Variants in ASB18 observed in about 807,000 individuals in gnomAD.
ASB18 encodes the protein ankyrin repeat and SOCS box containing 18.
A neutral mutation model predicts 33.4 loss-of-function variants in ASB18; 33 were observed. The ratio of observed to expected loss-of-function variants is 0.99; its 90% confidence interval spans 0.75 to 1.32. ASB18 has a LOEUF of 1.32. Ranked by LOEUF, ASB18 falls within the 40% of genes most tolerant of loss-of-function variation. ASB18 has a pLI of 0.00. For missense variants in ASB18, 694 were observed against 655.5 expected, an observed-to-expected ratio of 1.06 and a Z score of -0.64; for synonymous variants, 295 against 307.6, an observed-to-expected ratio of 0.96 and a Z score of 0.43.
chr2:236,204,623 G>A lies in ASB18; in HGVS notation c.1102-8238C>T, dbSNP rs1416115373. ...GCTTACATTGTAGCTACACCTGGCT[G>A]TATCCCACACTCAACATACCAAAAA... On this transcript the variant is annotated intron_variant, in intron 4 of 5. Transcript: ENST00000409749. This position sits in a 1 kb window ranked among gnomAD's most constrained non-coding sequence, Gnocchi z 5.1. 6.6e-6 allele frequency among the ~76,000 whole-genome samples: 1 copy of A among 152,208 alleles called. No individual in the cohort carries two copies. Among genetic ancestry groups the A allele is most frequent in the Non-Finnish European group, 1.5e-5 (1 of 68,036 alleles).
intron 4 of ASB18, among the ~76,000 whole-genome samples, chr2:236,201,834 C>A (rs535366552): frequency 6.6e-6 from 1 of 152,078 alleles, no homozygotes; most frequent in Non-Finnish European, 1.5e-5. Context: ...TGGGTTATAT[C>A]CTTGGTCAAT....
At chr2:236,236,814 C>A (rs1326171037) in intron 3 of ASB18, among the ~76,000 whole-genome samples, 2 of 152,218 alleles carry the variant, frequency 1.3e-5, no homozygotes, top group African/African-American at 2.4e-5. Context: ...CAGCACTAAA[C>A]GTGGGCGACT....
chr2:236,241,455 A>G lies in ASB18; in HGVS notation c.206-53T>C. The G allele has an allele frequency of 1.2e-6, 2 of 1,610,284 alleles. No homozygotes were observed. The highest frequency in any genetic ancestry group is 1.3e-5 in the African/African-American group (1 of 74,992). ...GCACCGGGGACCCTGCTCTAGCTTG[A>G]GGATCCTTCTCTGTCTTTTGAAATA... On this transcript the variant is annotated intron_variant, in intron 1 of 5. Coordinates refer to ENST00000409749, the MANE Select transcript of ASB18 (RefSeq NM_212556.4). The surrounding 1 kb of genome is among the most constrained non-coding windows in gnomAD (Gnocchi z 4.2).
At chr2:236,230,557 G>A (rs2060559493) in intron 3 of ASB18, among the ~76,000 whole-genome samples, 1 of 151,814 alleles carries the variant, frequency 6.6e-6, no homozygotes, top group Non-Finnish European at 1.5e-5. Context: ...GAAGTAAAAT[G>A]TATATTACCA....
chr2:236,201,689 T>C (rs72974795), intron 4 of ASB18, among the ~76,000 whole-genome samples: 13,706 of 85,770 alleles, frequency 0.16, 808 homozygotes, highest in Middle Eastern at 0.28. Context: ...TGCACTTCAT[T>C]TTTTTTTTTT....
At chr2:236,197,144 T>C (rs2060378321) in intron 4 of ASB18, among the ~76,000 whole-genome samples, 1 of 151,106 alleles carries the variant, frequency 6.6e-6, no homozygotes. Context: ...CCATGTATCC[T>C]ATAATTTTAT....
intron 1 of ASB18, among the ~76,000 whole-genome samples, chr2:236,242,235 C>G (rs988478922): frequency 1.3e-5 from 2 of 152,202 alleles, no homozygotes; most frequent in African/African-American, 4.8e-5. Context: ...CCCCACGCCA[C>G]TCTGCTGGCT....
Position 236,253,016 on chromosome 2 carries a change from C to T in ASB18, c.205+11125G>A, listed in dbSNP as rs192280971. Among the ~76,000 whole-genome samples, 178 of 152,320 alleles carry T rather than the reference C, an allele frequency of 1.2e-3. No individual in the cohort carries two copies. The highest frequency in any genetic ancestry group is 3.3e-3 in the Admixed American group (50 of 15,304). ...ACAGGTCATCTCTGTTCCAGAGCTG[C>T]CCCTGGGGTCAGCCAAGGCATGGTT... On this transcript the variant is annotated intron_variant, in intron 1 of 5. Transcript: ENST00000409749. The surrounding 1 kb of genome is among the most constrained non-coding windows in gnomAD (Gnocchi z 5.4).
Position 236,223,206 on chromosome 2 carries a change from TC to T in ASB18, c.597-8341del, listed in dbSNP as rs1189239607. Among the ~76,000 whole-genome samples the T allele has an allele frequency of 6.6e-6, 1 of 152,174 alleles. No individual in the cohort carries two copies. Among genetic ancestry groups the T allele is most frequent in the Non-Finnish European group, 1.5e-5 (1 of 68,038 alleles). ...AATTAAGCTTTTTTTCTTATAACTT[TC>T]ACAGTGTCAAGTATTTCTTTATAGC... is the stretch of plus-strand genomic sequence containing the variant. On this transcript the variant is annotated intron_variant, in intron 3 of 5. Transcript: ENST00000409749. The surrounding 1 kb of genome is among the most constrained non-coding windows in gnomAD (Gnocchi z 4.6).
chr2:236,217,424 A>AATAAATAAAT lies in ASB18; in HGVS notation c.597-2559_597-2558insATTTATTTAT, dbSNP rs1553600512. 2.1e-4 allele frequency among the ~76,000 whole-genome samples: 32 copies of AATAAATAAAT among 150,304 alleles called. No homozygotes were observed. The highest frequency in any genetic ancestry group is 7.4e-4 in the African/African-American group (30 of 40,402). ...CGAGACTCTGTCTCAAAAAAAAAAA[A>AATAAATAAAT]AAATAAATCTTGGCACCTTCAACTC... On this transcript the variant is annotated intron_variant, in intron 3 of 5. Coordinates refer to ENST00000409749, the MANE Select transcript of ASB18 (RefSeq NM_212556.4). The surrounding 1 kb of genome is among the most constrained non-coding windows in gnomAD (Gnocchi z 5.2).
chr2:236,253,276 G>A lies in ASB18; in HGVS notation c.205+10865C>T, dbSNP rs2060675951. Among the ~76,000 whole-genome samples the A allele has an allele frequency of 6.6e-6, 1 of 152,190 alleles. No homozygotes were observed. Among genetic ancestry groups the A allele is most frequent in the Non-Finnish European group, 1.5e-5 (1 of 68,034 alleles). On this transcript the variant is annotated intron_variant, in intron 1 of 5. Coordinates refer to ENST00000409749, the MANE Select transcript of ASB18 (RefSeq NM_212556.4). The surrounding 1 kb of genome is among the most constrained non-coding windows in gnomAD (Gnocchi z 5.4). ...TGAGGTGTTGTGGAGATGTGGCTTG[G>A]ACCAGAGTTTCTCAAGCACCCGAGG...
intron 4 of ASB18, chr2:236,210,535 T>C (rs60159414): frequency 0.17 from 26,215 of 152,184 alleles, 2,280 homozygotes; most frequent in South Asian, 0.25. Context: ...GCATCTCCTC[T>C]GCCAGGTGAG....
chr2:236,208,036 T>C lies in ASB18; in HGVS notation c.1101+6326A>G, dbSNP rs1326090171. Among the ~76,000 whole-genome samples the C allele has an allele frequency of 1.3e-5, 2 of 152,090 alleles. No homozygotes were observed. The highest frequency in any genetic ancestry group is 6.5e-5 in the Admixed American group (1 of 15,276). On this transcript the variant is annotated intron_variant, in intron 4 of 5. Transcript: ENST00000409749. The surrounding 1 kb of genome is among the most constrained non-coding windows in gnomAD (Gnocchi z 7.7). ...AGGACAGGAGCTGTTCTTTCTAGAC[T>C]GGGCATCATATCGACATCATAAGAG...
rs139617172 is a variant in ASB18, at chr2:236,240,445, G to A, written c.328+835C>T. 2.6e-4 allele frequency among the ~76,000 whole-genome samples: 39 copies of A among 152,362 alleles called. 2 individuals carry two copies. In the East Asian group the frequency reaches 3.3e-3, roughly 13 times the overall value. On this transcript the variant is annotated intron_variant, in intron 2 of 5. Coordinates refer to ENST00000409749, the MANE Select transcript of ASB18 (RefSeq NM_212556.4). ...GAGTCAGGGACATGGGACACTGGCC[G>A]CCGGCCACTGACCTCAGATTCTCAA...
Position 236,225,320 on chromosome 2 carries a change from C to G in ASB18, c.597-10454G>C, listed in dbSNP as rs1384573143. On this transcript the variant is annotated intron_variant, in intron 3 of 5. Transcript: ENST00000409749. This position sits in a 1 kb window ranked among gnomAD's most constrained non-coding sequence, Gnocchi z 5.1. ...CAGAGATGGGGTCTCACTATGTTGC[C>G]CAGGCTGGTCTCAAACTCCTGGGCT... Among the ~76,000 whole-genome samples the G allele has an allele frequency of 2.0e-5, 3 of 151,892 alleles. No homozygotes were observed. Among genetic ancestry groups the G allele is most frequent in the Admixed American group, 2.0e-4 (3 of 15,252 alleles).
Position 236,255,735 on chromosome 2 carries a change from C to T in ASB18, c.205+8406G>A, listed in dbSNP as rs1318498792. 6.6e-6 allele frequency among the ~76,000 whole-genome samples: 1 copy of T among 152,188 alleles called. No homozygotes were observed. The highest frequency in any genetic ancestry group is 1.5e-5 in the Non-Finnish European group (1 of 68,042). ...TTCCAAGTAAGTGTAAACACCTGTG[C>T]CTAGAATGTGTAGCCTCAAACAATA... On this transcript the variant is annotated intron_variant, in intron 1 of 5. Coordinates refer to ENST00000409749, the MANE Select transcript of ASB18 (RefSeq NM_212556.4). The surrounding 1 kb of genome is among the most constrained non-coding windows in gnomAD (Gnocchi z 4.4).
chr2:236,263,953 C>A lies in ASB18; in HGVS notation c.205+188G>T, dbSNP rs924798995. ...TTTTTGTGTTGTGTTGCACTTGTTG[C>A]TTATGTCGCACACGCATGTACATGG... On this transcript the variant is annotated intron_variant, in intron 1 of 5. Transcript: ENST00000409749. This position sits in a 1 kb window ranked among gnomAD's most constrained non-coding sequence, Gnocchi z 4.0. Among the ~76,000 whole-genome samples the A allele has an allele frequency of 3.3e-5, 5 of 152,288 alleles. No individual in the cohort carries two copies. Among genetic ancestry groups the A allele is most frequent in the Non-Finnish European group, 7.4e-5 (5 of 68,020 alleles).
Position 236,196,821 on chromosome 2 carries a change from A to T in ASB18, c.1102-436T>A, listed in dbSNP as rs905345024. ...TTTCAGATGTGTCAGGAAATTGAGA[A>T]TTGGGGAAGAGGAATTGTTTTGCTG... On this transcript the variant is annotated intron_variant, in intron 4 of 5. Coordinates refer to ENST00000409749, the MANE Select transcript of ASB18 (RefSeq NM_212556.4). The surrounding 1 kb of genome is among the most constrained non-coding windows in gnomAD (Gnocchi z 5.6). 6.6e-6 allele frequency among the ~76,000 whole-genome samples: 1 copy of T among 152,180 alleles called. No homozygotes were observed. Among genetic ancestry groups the T allele is most frequent in the Non-Finnish European group, 1.5e-5 (1 of 68,036 alleles).
At chr2:236,261,913 C>G (rs191254875) in intron 1 of ASB18, among the ~76,000 whole-genome samples, 2 of 152,200 alleles carry the variant, frequency 1.3e-5, no homozygotes, top group East Asian at 3.9e-4. Flanking sequence ...TATTCACTAC[C>G]ACAATAATCG....
Sources: gnomAD v4.1 joint callset for allele counts (sites outside exome capture counted in the v4.1 genomes callset) on GRCh38, gnomAD v4.1.1 for gene constraint, Gnocchi (gnomAD v3.1) non-coding constraint, MANE v1.5 for transcripts, NCBI Gene and HGNC (gene_info 2026-07-23, HGNC 2026-07-21) for gene names.